Variants in GLB1L2 observed in about 807,000 individuals in gnomAD.
The protein encoded by GLB1L2 is beta-galactosidase-1-like protein 2.
GLB1L2 carries 68 observed loss-of-function variants against 84.1 expected under a neutral mutation model. That is an observed-to-expected ratio of 0.81 (90% confidence interval 0.67 to 0.99). The LOEUF (loss-of-function observed/expected upper bound fraction) is 0.99, where lower values mean the gene tolerates loss of function less well. GLB1L2 is among the 50% of genes least tolerant of loss of function. The pLI, the probability that GLB1L2 is intolerant of heterozygous loss-of-function variation, is 0.00. For synonymous variants in GLB1L2, 290 were observed against 318.0 expected (o/e 0.91, Z 0.94); for missense variants, 762 against 805.6 (o/e 0.95, Z 0.66).
intron 10 of GLB1L2, among the ~76,000 whole-genome samples, chr11:134,369,529 A>T (rs959959518): frequency 6.7e-6 from 1 of 148,476 alleles, no homozygotes; most frequent in Non-Finnish European, 1.5e-5. Context: ...TGCTGGGATT[A>T]CAGGTGTGAG....
chr11:134,362,324 C>T (rs931800860), intron 7 of GLB1L2, among the ~76,000 whole-genome samples: 4 of 84,982 alleles, frequency 4.7e-5, no homozygotes, highest in Admixed American at 2.2e-4. Flanking sequence ...TTCCCTTCCC[C>T]GGCGCTGCCC....
At chr11:134,348,160 C>T (rs1943577241) in intron 5 of GLB1L2, among the ~76,000 whole-genome samples, 1 of 152,174 alleles carries the variant, frequency 6.6e-6, no homozygotes, top group Non-Finnish European at 1.5e-5. Context: ...ACTCACCACA[C>T]ACATAAATCA....
Position 134,334,369 on chromosome 11 carries a change from C to T in GLB1L2, c.86+2222C>T, listed in dbSNP as rs1943349852. ...TCATCAACTTTTCCTTGGGCTGGTT[C>T]ACGGTCAGTCATAGCTGGTGGGTTA... On this transcript the variant is annotated intron_variant, in intron 1 of 18. Coordinates refer to ENST00000535456, the MANE Select transcript of GLB1L2 (RefSeq NM_001370461.1). This position sits in a 1 kb window ranked among gnomAD's most constrained non-coding sequence, Gnocchi z 4.1. 6.6e-6 allele frequency among the ~76,000 whole-genome samples: 1 copy of T among 152,004 alleles called. No homozygotes were observed. Among genetic ancestry groups the T allele is most frequent in the Non-Finnish European group, 1.5e-5 (1 of 68,012 alleles).
At chr11:134,371,634 C>A in intron 14 of GLB1L2, 118 bp from the exon 15 acceptor site, 1 of 1,141,548 alleles carries the variant, frequency 8.8e-7, no homozygotes, top group Non-Finnish European at 1.3e-6. Context: ...GGCTTTCTGC[C>A]CAGCTGGGAT....
intron 4 of GLB1L2, among the ~76,000 whole-genome samples, chr11:134,345,344 T>G (rs1165364375): frequency 5.3e-5 from 8 of 152,230 alleles, no homozygotes; most frequent in African/African-American, 1.2e-4. Context: ...ATGGGCTGCT[T>G]GTGTGACAGG....
At chr11:134,342,144 C>G (rs1324421497) in intron 1 of GLB1L2, among the ~76,000 whole-genome samples, 1 of 151,908 alleles carries the variant, frequency 6.6e-6, no homozygotes, top group Non-Finnish European at 1.5e-5. Flanking sequence ...TCCCTGGGGC[C>G]GACCCCGAGA....
chr11:134,359,069 G>T lies in GLB1L2; in HGVS notation c.661G>T (p.Asp221Tyr). The change falls in exon 7 of 19, where the codon GAC becomes TAC. Residue 221 changes from aspartate (D) to tyrosine (Y), a missense_variant. This residue lies in a region of GLB1L2 where 603 missense variants were observed against 611.7 expected (regional missense o/e 0.99). Transcript: ENST00000535456. ...YMPYVKKALE[D>Y]RGIVELLLTS... Reference sequence around the variant, plus strand: ...CTCATTTCCCCCACAGGCACTGGAGGACCGTGGCATTGTGGAACTGCTCCT... The same window carrying T: ...CTCATTTCCCCCACAGGCACTGGAGTACCGTGGCATTGTGGAACTGCTCCT... 1 of 1,601,042 alleles carries T rather than the reference G, an allele frequency of 6.2e-7. No individual in the cohort carries two copies. Among genetic ancestry groups the T allele is most frequent in the Non-Finnish European group, 8.5e-7 (1 of 1,173,398 alleles).
intron 17 of GLB1L2, 23 bp from the exon 18 acceptor site, chr11:134,374,579 A>G: frequency 1.3e-6 from 2 of 1,578,284 alleles, no homozygotes; most frequent in Non-Finnish European, 1.7e-6. Flanking sequence ...TGGTAGATGA[A>G]CACCCTTCCC....
Position 134,375,002 on chromosome 11 carries a change from C to T in GLB1L2, c.1855C>T (p.Pro619Ser), listed in dbSNP as rs1482264431. The T allele has an allele frequency of 1.2e-6, 2 of 1,613,864 alleles. No homozygotes were observed. The change falls in exon 19 of 19, where the codon CCT (proline) becomes TCT (serine). Residue 619 changes from proline to serine, a missense_variant. This residue lies in a region of GLB1L2 where 603 missense variants were observed against 611.7 expected (regional missense o/e 0.99). Transcript: ENST00000535456. ...VIVFEETMAG[P>S]ALQFTETPHL... The stretch of plus-strand genomic sequence containing the variant: ...CGTTTTTGAGGAGACGATGGCGGGC[C>T]CTGCATTACAGTTCACGGAAACCCC...
At chr11:134,346,064 C>T (rs983237800) in intron 4 of GLB1L2, among the ~76,000 whole-genome samples, 36 of 152,270 alleles carry the variant, frequency 2.4e-4, no homozygotes, top group African/African-American at 8.4e-4. Flanking sequence ...GGTGGTTAGA[C>T]CCAGACTGCC....
At position 134,373,933 on chromosome 11, in the gene GLB1L2, C is replaced by G. The variant is rs1045589149; in HGVS notation, c.1595+125C>G. 4.9e-5 allele frequency: 39 copies of G among 803,576 alleles called. No homozygotes were observed. In the Admixed American group the frequency reaches 7.9e-4, roughly 16 times the overall value. 49.8% of individuals were successfully genotyped at this position (803,576 alleles called of 1,614,324 possible). On this transcript the variant is annotated intron_variant, in intron 16 of 18. Coordinates refer to ENST00000535456, the MANE Select transcript of GLB1L2 (RefSeq NM_001370461.1). Reference sequence around the variant, plus strand: ...GTGTGAACGCCTCCAGGGGCCAGATCGGCTGGCCGAGGTGAGGGGTGGCAC... The same window carrying G: ...GTGTGAACGCCTCCAGGGGCCAGATGGGCTGGCCGAGGTGAGGGGTGGCAC...
intron 10 of GLB1L2, among the ~76,000 whole-genome samples, chr11:134,369,017 G>A (rs1298986652): frequency 6.6e-6 from 1 of 152,206 alleles, no homozygotes; most frequent in East Asian, 1.9e-4. Flanking sequence ...GGCAAAGGTT[G>A]GCCTGAGGAA....
At chr11:134,342,281 G>A (rs1365436523) in intron 1 of GLB1L2, among the ~76,000 whole-genome samples, 10 of 152,316 alleles carry the variant, frequency 6.6e-5, no homozygotes, top group Admixed American at 2.0e-4. Context: ...CTGGAATCGG[G>A]TGGATGGGTG....
Position 134,339,435 on chromosome 11 carries a change from TC to T in GLB1L2, c.87-3318del, listed in dbSNP as rs1249594107. Among the ~76,000 whole-genome samples the T allele has an allele frequency of 6.6e-6, 1 of 152,132 alleles. No individual in the cohort carries two copies. The highest frequency in any genetic ancestry group is 2.4e-5 in the African/African-American group (1 of 41,420). On this transcript the variant is annotated intron_variant, in intron 1 of 18. Coordinates refer to ENST00000535456, the MANE Select transcript of GLB1L2 (RefSeq NM_001370461.1). This position sits in a 1 kb window ranked among gnomAD's most constrained non-coding sequence, Gnocchi z 5.7. ...ATTCCTTGGAGAAACCCAACACGTATCATCCTCATTTTCTTGGTGAATCCAT... is the reference window on the plus strand; with the variant it reads ...ATTCCTTGGAGAAACCCAACACGTATATCCTCATTTTCTTGGTGAATCCAT...
chr11:134,347,746 G>A (rs1943572065), intron 5 of GLB1L2, among the ~76,000 whole-genome samples: 1 of 152,088 alleles, frequency 6.6e-6, no homozygotes, highest in Non-Finnish European at 1.5e-5. Context: ...GCATCTCCAT[G>A]GTTCCACAGA....
chr11:134,342,425 T>C (rs567158241), intron 1 of GLB1L2, among the ~76,000 whole-genome samples: 3 of 151,694 alleles, frequency 2.0e-5, no homozygotes, highest in South Asian at 4.2e-4. Flanking sequence ...GTGAAGCCCG[T>C]GCGGCGCCCG....
At chr11:134,346,106 CG>C (rs1314074688) in intron 4 of GLB1L2, among the ~76,000 whole-genome samples, 1 of 152,162 alleles carries the variant, frequency 6.6e-6, no homozygotes, top group Non-Finnish European at 1.5e-5. Context: ...GTCCCCAAGC[CG>C]TCTCCCCTCC....
chr11:134,348,659 T>C (rs1005178919), intron 5 of GLB1L2, among the ~76,000 whole-genome samples: 2 of 152,234 alleles, frequency 1.3e-5, no homozygotes, highest in Non-Finnish European at 2.9e-5. Flanking sequence ...CTCAGCGGCA[T>C]TGAGTCCACC....
At position 134,375,313 on chromosome 11, in the gene GLB1L2, G is replaced by A; in HGVS notation, c.*255G>A. The A allele has an allele frequency of 2.2e-6, 1 of 464,582 alleles. No individual in the cohort carries two copies. The highest frequency in any genetic ancestry group is 3.8e-6 in the Non-Finnish European group (1 of 262,460). 28.8% of individuals were successfully genotyped at this position (464,582 alleles called of 1,614,324 possible). On this transcript the variant is annotated 3_prime_UTR_variant, in exon 19 of 19. Coordinates refer to ENST00000535456, the MANE Select transcript of GLB1L2 (RefSeq NM_001370461.1). Reference sequence around the variant, plus strand: ...GCTCTTGTGCCGAGGCTGTCGGGCTGTCTCTAGGGTGGGAGCAGCTAATCA... The same window carrying A: ...GCTCTTGTGCCGAGGCTGTCGGGCTATCTCTAGGGTGGGAGCAGCTAATCA...
Sources: allele counts gnomAD v4.1 joint callset (sites outside exome capture counted in the v4.1 genomes callset), GRCh38; gene constraint gnomAD v4.1.1; regional missense constraint gnomAD v4.1.1; non-coding constraint Gnocchi (gnomAD v3.1); transcripts MANE v1.5; gene names NCBI Gene and HGNC (gene_info 2026-07-23, HGNC 2026-07-21).